Variants in LAMA4 observed in about 807,000 individuals in gnomAD.
LAMA4 encodes laminin subunit alpha-4.
LAMA4 carries 127 observed loss-of-function variants against 207.1 expected under a neutral mutation model. The ratio of observed to expected loss-of-function variants is 0.61; its 90% confidence interval spans 0.53 to 0.71. The LOEUF (loss-of-function observed/expected upper bound fraction) is 0.71. Among genes scored for constraint, LAMA4 ranks in the 30% least tolerant of loss-of-function variants. LAMA4 has a pLI of 0.00. For missense variants in LAMA4, 2,093 were observed against 2,246.5 expected, an observed-to-expected ratio of 0.93 and a Z score of 1.38; for synonymous variants, 761 against 816.0, an observed-to-expected ratio of 0.93 and a Z score of 1.15.
chr6:112,139,975 A>G (rs1779593638), intron 22 of LAMA4, 90 bp from the exon 23 acceptor site: 5 of 1,255,838 alleles, frequency 4.0e-6, no homozygotes, highest in Non-Finnish European at 5.8e-6. Context: ...TAGTAGGTCA[A>G]GGAGACCTAC....
intron 2 of LAMA4, among the ~76,000 whole-genome samples, chr6:112,249,746 C>T (rs1265227781): frequency 1.3e-5 from 2 of 152,160 alleles, no homozygotes; most frequent in African/African-American, 4.8e-5. Context: ...AAGTACTCAA[C>T]GAGTATCAGC....
chr6:112,192,258 T>C (rs758018329), intron 5 of LAMA4, among the ~76,000 whole-genome samples: 2 of 152,246 alleles, frequency 1.3e-5, no homozygotes, highest in Admixed American at 6.5e-5. Context: ...TGAGAAACAT[T>C]GATCAGTCTA....
chr6:112,169,329 A>G (rs2051649), intron 12 of LAMA4, among the ~76,000 whole-genome samples: 112,585 of 151,960 alleles, frequency 0.74, 42,059 homozygotes, highest in Middle Eastern at 0.86. Flanking sequence ...GGACAAGAAT[A>G]AGAAAGAATG....
intron 2 of LAMA4, among the ~76,000 whole-genome samples, chr6:112,235,202 C>A (rs572428792): frequency 2.6e-5 from 4 of 152,300 alleles, no homozygotes; most frequent in African/African-American, 9.6e-5. Context: ...TCCTTGTCCT[C>A]TATTAGGTTC....
Position 112,108,001 on chromosome 6 carries a change from T to TTA in LAMA4, c.*1434_*1435dup, listed in dbSNP as rs1777518807. Among the ~76,000 whole-genome samples the TTA allele has an allele frequency of 6.6e-6, 1 of 152,104 alleles. No homozygotes were observed. The highest frequency in any genetic ancestry group is 2.4e-5 in the African/African-American group (1 of 41,432). On this transcript the variant is annotated 3_prime_UTR_variant, in exon 39 of 39. Transcript: ENST00000230538. The stretch of plus-strand genomic sequence containing the variant: ...TTAGTAAGTCCTCTATGAACAGACA[T>TTA]TAGCTATGTTTATCGATATCTTCAA...
intron 2 of LAMA4, among the ~76,000 whole-genome samples, chr6:112,227,003 G>A (rs73546242): frequency 0.032 from 4,936 of 152,024 alleles, 89 homozygotes; most frequent in South Asian, 0.073. Flanking sequence ...GTAAAGGAGT[G>A]GGGATGAGAC....
intron 31 of LAMA4, among the ~76,000 whole-genome samples, chr6:112,128,018 G>A (rs1778803394): frequency 6.6e-6 from 1 of 152,166 alleles, no homozygotes; most frequent in East Asian, 1.9e-4. Flanking sequence ...CTGTGCATGT[G>A]AGTGGTTGAA....
At chr6:112,155,757 G>A in intron 14 of LAMA4, 51 bp from the exon 15 acceptor site, 1 of 1,590,696 alleles carries the variant, frequency 6.3e-7, no homozygotes. Flanking sequence ...CTTGGGGAAT[G>A]GGGCCATGTT....
At chr6:112,230,627 T>C (rs1785505870) in intron 2 of LAMA4, among the ~76,000 whole-genome samples, 1 of 152,252 alleles carries the variant, frequency 6.6e-6, no homozygotes, top group Non-Finnish European at 1.5e-5. Context: ...GTTATTTGTT[T>C]TAACTGGTTC....
At chr6:112,227,975 T>C (rs569275116) in intron 2 of LAMA4, among the ~76,000 whole-genome samples, 49 of 152,216 alleles carry the variant, frequency 3.2e-4, no homozygotes, top group Non-Finnish European at 5.9e-4. Flanking sequence ...TGCACAATAC[T>C]CTCATTTTCC....
intron 9 of LAMA4, chr6:112,179,016 A>C (rs572951784): frequency 6.6e-6 from 1 of 152,240 alleles, no homozygotes; most frequent in East Asian, 1.9e-4. Flanking sequence ...GATTTCAAGG[A>C]TTATTCTCAC....
At chr6:112,176,643 A>AT (rs1327122867) in intron 10 of LAMA4, among the ~76,000 whole-genome samples, 1 of 152,072 alleles carries the variant, frequency 6.6e-6, no homozygotes, top group African/African-American at 2.4e-5. Flanking sequence ...AAATGTAAAT[A>AT]TTTTTTCCTC....
At chr6:112,253,064 T>C (rs1787575968) in intron 2 of LAMA4, among the ~76,000 whole-genome samples, 1 of 152,232 alleles carries the variant, frequency 6.6e-6, no homozygotes, top group Non-Finnish European at 1.5e-5. Context: ...TCAATCCACA[T>C]AACTGTTTTA....
At chr6:112,254,583 A>G, upstream of LAMA4, 1 of 211,724 alleles carries the variant, frequency 4.7e-6, no homozygotes, top group Non-Finnish European at 9.6e-6. Context: ...CATTCTCACC[A>G]CTCCCTTTTT....
intron 32 of LAMA4, among the ~76,000 whole-genome samples, chr6:112,121,312 A>G (rs1406564711): frequency 2.0e-5 from 3 of 152,216 alleles, no homozygotes; most frequent in African/African-American, 7.2e-5. Context: ...TATGGATAAG[A>G]TACATTTATT....
At chr6:112,136,064 TC>T in intron 25 of LAMA4, 58 bp downstream of exon 25, 1 of 1,508,288 alleles carries the variant, frequency 6.6e-7, no homozygotes, top group Non-Finnish European at 9.1e-7. Flanking sequence ...CCTGATTAGA[TC>T]AACAGATCTA....
chr6:112,207,341 A>G (rs1189293843), intron 3 of LAMA4, among the ~76,000 whole-genome samples, 196 bp from the exon 4 acceptor site: 1 of 152,180 alleles, frequency 6.6e-6, no homozygotes, highest in Non-Finnish European at 1.5e-5. Flanking sequence ...TAAGTGGTGA[A>G]TTAATTTTTC....
intron 2 of LAMA4, among the ~76,000 whole-genome samples, chr6:112,229,752 C>T (rs930729426): frequency 3.9e-5 from 6 of 152,156 alleles, no homozygotes; most frequent in Admixed American, 2.6e-4. Flanking sequence ...TTTCACTCCG[C>T]GTATCATAAT....
At chr6:112,223,029 T>C (rs1437020327) in intron 2 of LAMA4, among the ~76,000 whole-genome samples, 2 of 152,170 alleles carry the variant, frequency 1.3e-5, no homozygotes, top group Admixed American at 6.5e-5. Context: ...AGTGCTGCCT[T>C]TTTTCCTTTG....
Sources: allele counts gnomAD v4.1 joint callset (sites outside exome capture counted in the v4.1 genomes callset), GRCh38; gene constraint gnomAD v4.1.1; transcripts MANE v1.5; gene names NCBI Gene and HGNC (gene_info 2026-07-23, HGNC 2026-07-21).